STAT6: variants seen among roughly 807,000 people sequenced by gnomAD.
The protein encoded by STAT6 is STAT, interleukin4-induced.
Under a neutral mutation model 106.3 loss-of-function variants are expected in STAT6, and 45 were observed. That is an observed-to-expected ratio of 0.42 (90% CI 0.33 to 0.54). The LOEUF (loss-of-function observed/expected upper bound fraction) is 0.54, where lower values mean the gene tolerates loss of function less well. STAT6 is among the 20% of genes least tolerant of loss of function. STAT6 has a pLI of 0.06. For missense variants in STAT6, 797 were observed against 1,062.2 expected, an observed-to-expected ratio of 0.75 and a Z score of 3.47; for synonymous variants, 413 against 413.6, an observed-to-expected ratio of 1.00 and a Z score of 0.02.
chr12:57,100,680 GAAA>G (rs2033809356), intron 13 of STAT6, among the ~76,000 whole-genome samples: 2 of 56,516 alleles, frequency 3.5e-5, no homozygotes, highest in African/African-American at 7.8e-5. Flanking sequence ...AAGAAAGAAA[GAAA>G]GAAAGAAAGA....
intron 13 of STAT6, chr12:57,100,702 GAAAGAA>G (rs1197629856): frequency 2.8e-3 from 157 of 55,780 alleles, no homozygotes; most frequent in Middle Eastern, 7.0e-3. Context: ...GAAAGAAAGA[GAAAGAA>G]AGAAAGAAAG....
At position 57,102,940 on chromosome 12, in the gene STAT6, G is replaced by A. The variant is rs187015699; in HGVS notation, c.1213-19C>T. 2 of 1,368,290 alleles carry A rather than the reference G, an allele frequency of 1.5e-6. No individual in the cohort carries two copies. The highest frequency in any genetic ancestry group is 2.3e-5 in the Admixed American group (1 of 43,532). The allele number at this position is 1,368,290 out of a possible 1,614,324, so 84.8% of individuals were successfully genotyped here. A position where few individuals can be genotyped will look rare whatever the true frequency, so the allele number is the denominator to read the frequency against. Reference sequence around the variant, plus strand: ...ACAGGGCCTGAAGAGGGTGAGGACAGGGGTTTCTTTTCTTTCTTTCTTTCC... The same window carrying A: ...ACAGGGCCTGAAGAGGGTGAGGACAAGGGTTTCTTTTCTTTCTTTCTTTCC... On this transcript the variant is annotated intron_variant, in intron 11 of 21. Transcript: ENST00000300134.
Position 57,102,462 on chromosome 12 carries a change from G to C in STAT6, c.1340C>G (p.Pro447Arg). Residue 447 changes from proline to arginine, a missense_variant, in exon 13 of 22, where the codon CCC becomes CGC. By Grantham distance (103) the Pro-to-Arg change is moderately radical. This residue lies in a region of STAT6 where 222 missense variants were observed against 354.6 expected (regional missense o/e 0.63). Coordinates refer to ENST00000300134, the MANE Select transcript of STAT6 (RefSeq NM_003153.5). ...RVPFVVAERV[P>R]WEKMCETLNL... ...CAGAGTTTCACACATCTTCTCCCAG[G>C]GCACCCGCTCAGCCACCACAAAGGG... The C allele has an allele frequency of 6.2e-7, 1 of 1,613,830 alleles. No individual in the cohort carries two copies. Among genetic ancestry groups the C allele is most frequent in the African/African-American group, 1.3e-5 (1 of 75,004 alleles).
At chr12:57,102,601 CCT>C (rs1405819056) in intron 12 of STAT6, 105 bp from the exon 13 acceptor site, 2 of 1,194,656 alleles carry the variant, frequency 1.7e-6, no homozygotes, top group Admixed American at 2.2e-5. Flanking sequence ...CTCCACAGCC[CCT>C]GATATCGCTC....
Position 57,099,998 on chromosome 12 carries a change from G to C in STAT6, c.1605C>G (p.Asp535Glu), listed in dbSNP as rs1317783336. ...GACTACCCAGGGTGGGGACTCACCG[G>C]TCAGACCAGTAGCTCCGGAGACAGC... is the stretch of plus-strand genomic sequence containing the variant. The part of the protein sequence containing the change: ...TKRCLRSYWS[D>E]RLIIGFISKQ... Residue 535 changes from aspartate to glutamate, a missense_variant and splice_region_variant, in exon 14 of 22, where the codon GAC becomes GAG. By Grantham distance (45) the Asp-to-Glu change is conservative. Around this residue, in one of 4 missense-constraint regions of STAT6, gnomAD observed 222 missense variants for 354.6 expected, o/e 0.63. Transcript: ENST00000300134. This position sits in a 1 kb window ranked among gnomAD's most constrained non-coding sequence, Gnocchi z 4.7. The C allele has an allele frequency of 1.9e-6, 3 of 1,613,696 alleles. No individual in the cohort carries two copies. The highest frequency in any genetic ancestry group is 2.5e-6 in the Non-Finnish European group (3 of 1,179,858).
intron 4 of STAT6, 22 bp downstream of exon 4, chr12:57,107,209 G>A (rs779851293): frequency 1.9e-6 from 3 of 1,607,080 alleles, no homozygotes; most frequent in Non-Finnish European, 2.6e-6. Context: ...GAGTTGGGGT[G>A]GGAGGTGGAA....
chr12:57,108,044 T>G (rs1408627520), intron 2 of STAT6, 119 bp downstream of exon 2: 2 of 720,678 alleles, frequency 2.8e-6, no homozygotes, highest in Non-Finnish European at 4.7e-6. Flanking sequence ...TCTAGGTCAC[T>G]ACACATGGAA....
In STAT6 at chr12:57,100,712, A is replaced by G. The variant is rs999921027; in HGVS notation, c.1513-622T>C. 3.0e-3 allele frequency: 182 copies of G among 60,068 alleles called. 2 individuals carry two copies. Among genetic ancestry groups the G allele is most frequent in the Middle Eastern group, 0.014 (2 of 142 alleles). 3.7% of individuals were successfully genotyped at this position (60,068 alleles called of 1,614,324 possible). On this transcript the variant is annotated intron_variant, in intron 13 of 21. Coordinates refer to ENST00000300134, the MANE Select transcript of STAT6 (RefSeq NM_003153.5). ...AGAAAGAAAGAAAGAGAAAGAAAGA[A>G]AGAAAGAAAGAAAGAAAGAAAGAAA...
chr12:57,107,220 T>C lies in STAT6; in HGVS notation c.339+11A>G, dbSNP rs202118618. ...GATTGAGTTGGGGTGGGAGGTGGAA[T>C]ATCACAATACCTGTTCCATAACAGC... On this transcript the variant is annotated intron_variant, in intron 4 of 21. Coordinates refer to ENST00000300134, the MANE Select transcript of STAT6 (RefSeq NM_003153.5). 1.2e-5 allele frequency: 19 copies of C among 1,613,342 alleles called. No homozygotes were observed. Among genetic ancestry groups the C allele is most frequent in the Non-Finnish European group, 1.6e-5 (19 of 1,179,378 alleles).
intron 13 of STAT6, among the ~76,000 whole-genome samples, chr12:57,101,341 C>A (rs2136584688): frequency 6.6e-6 from 1 of 150,916 alleles, no homozygotes; most frequent in East Asian, 1.9e-4. Flanking sequence ...CCCGCCTCAG[C>A]CTCCCAAAGT....
At chr12:57,107,373 T>TCCAATCCCC in intron 3 of STAT6, 59 bp from the exon 4 acceptor site, 1 of 1,516,730 alleles carries the variant, frequency 6.6e-7, no homozygotes, top group Non-Finnish European at 9.2e-7. Context: ...CTTCAATCCC[T>TCCAATCCCC]CCAATCCCCA....
At chr12:57,104,343 A>G in intron 11 of STAT6, 121 bp downstream of exon 11, 1 of 1,407,654 alleles carries the variant, frequency 7.1e-7, no homozygotes, top group Non-Finnish European at 9.6e-7. Flanking sequence ...CCCAGTGTGC[A>G]TGAATCCCAG....
intron 13 of STAT6, among the ~76,000 whole-genome samples, chr12:57,100,636 AAG>A (rs773826686): frequency 4.8e-3 from 537 of 112,716 alleles, no homozygotes; most frequent in South Asian, 1.0e-2. Flanking sequence ...GAGAAAGAGA[AAG>A]AGAAAGAAAG....
chr12:57,100,826 C>G, intron 13 of STAT6: 1 of 454,956 alleles, frequency 2.2e-6, no homozygotes, highest in Non-Finnish European at 4.4e-6. Flanking sequence ...ATGTGGTTCT[C>G]TCCTAGCCAT....
chr12:57,107,168 G>T (rs976334766), intron 4 of STAT6, 63 bp downstream of exon 4: 3 of 1,528,584 alleles, frequency 2.0e-6, no homozygotes. Context: ...TTTCTAGTTT[G>T]TCATGGCTCA....
chr12:57,098,623 A>T (rs1565680873), intron 18 of STAT6, 26 bp from the exon 19 acceptor site: 1 of 1,608,320 alleles, frequency 6.2e-7, no homozygotes, highest in Non-Finnish European at 8.5e-7. Context: ...AGACCCCCTG[A>T]TGCCAGCCCT....
At chr12:57,102,600 C>A in intron 12 of STAT6, 104 bp from the exon 13 acceptor site, 1 of 1,216,788 alleles carries the variant, frequency 8.2e-7, no homozygotes, top group East Asian at 2.5e-5. Flanking sequence ...CCTCCACAGC[C>A]CCTGATATCG....
rs2034347166 is a variant in STAT6 at position 57,107,476 on chromosome 12, C to G, written c.255+129G>C. ...ATGCTTTTAAAATCTAATTTGCCTG[C>G]TAGCTAGCAGTTAACCACAGGAACA... On this transcript the variant is annotated intron_variant, in intron 3 of 21. Coordinates refer to ENST00000300134, the MANE Select transcript of STAT6 (RefSeq NM_003153.5). The G allele has an allele frequency of 1.2e-5, 16 of 1,364,054 alleles. No individual in the cohort carries two copies. The Middle Eastern group carries it at 2.8e-3, about 237-fold the overall frequency. 84.5% of individuals were successfully genotyped at this position (1,364,054 alleles called of 1,614,324 possible).
At position 57,099,243 on chromosome 12, in the gene STAT6, A is replaced by AAGTGGCAG. The variant is rs1188879374; in HGVS notation, c.1891+50_1891+51insCTGCCACT. 4 of 1,611,864 alleles carry AAGTGGCAG rather than the reference A, an allele frequency of 2.5e-6. No homozygotes were observed. Among genetic ancestry groups the AAGTGGCAG allele is most frequent in the Non-Finnish European group, 2.5e-6 (3 of 1,178,294 alleles). On this transcript the variant is annotated intron_variant, in intron 16 of 21. Coordinates refer to ENST00000300134, the MANE Select transcript of STAT6 (RefSeq NM_003153.5). The surrounding 1 kb of genome is among the most constrained non-coding windows in gnomAD (Gnocchi z 4.7). ...CAGGGAGAGGAGGGCAGCGGGGAGC[A>AAGTGGCAG]GGGAGGAAGTGGGTGACAGGAAGGA...
Sources: gnomAD v4.1 joint callset for allele counts (sites outside exome capture counted in the v4.1 genomes callset) on GRCh38, gnomAD v4.1.1 for gene constraint, gnomAD v4.1.1 regional missense constraint, Gnocchi (gnomAD v3.1) non-coding constraint, MANE v1.5 for transcripts, NCBI Gene and HGNC (gene_info 2026-07-23, HGNC 2026-07-21) for gene names.